CELF4: variants seen among roughly 807,000 people sequenced by gnomAD.
CELF4 encodes the protein CUG-BP- and ETR-3-like factor 4.
In CELF4, 18 loss-of-function variants were observed where a neutral mutation model predicts 59.9. That is an observed-to-expected ratio of 0.30 (90% CI 0.21 to 0.45). The LOEUF is 0.45. Among genes scored for constraint, CELF4 ranks in the 20% least tolerant of loss-of-function variants. The pLI is 1.00. For synonymous variants in CELF4, 261 were observed against 267.1 expected, an observed-to-expected ratio of 0.98 and a Z score of 0.22; for missense variants, 456 against 689.0, an observed-to-expected ratio of 0.66 and a Z score of 3.79.
At chr18:37,351,611 CTTTTTT>C (rs35650061) in intron 2 of CELF4, among the ~76,000 whole-genome samples, 3 of 121,932 alleles carry the variant, frequency 2.5e-5, no homozygotes, top group African/African-American at 6.3e-5. Context: ...TCTTCTTCTT[CTTTTTT>C]TTTTTTTTTT....
At chr18:37,485,054 G>T (rs1232224539) in intron 2 of CELF4, among the ~76,000 whole-genome samples, 1 of 152,124 alleles carries the variant, frequency 6.6e-6, no homozygotes, top group Admixed American at 6.5e-5. Flanking sequence ...CTTCTCCCCC[G>T]CACAGAAGCT....
chr18:37,339,708 C>T (rs1201504927), intron 2 of CELF4, among the ~76,000 whole-genome samples: 6 of 150,322 alleles, frequency 4.0e-5, no homozygotes, highest in African/African-American at 9.8e-5. Flanking sequence ...GAGCCGAGAT[C>T]GCACTACTGT....
At chr18:37,325,118 G>C (rs2097260081) in intron 2 of CELF4, among the ~76,000 whole-genome samples, 1 of 152,036 alleles carries the variant, frequency 6.6e-6, no homozygotes, top group Non-Finnish European at 1.5e-5. Context: ...GCAGGCACAG[G>C]GGTGTGAACC....
At chr18:37,484,172 T>C (rs2099876189) in intron 2 of CELF4, among the ~76,000 whole-genome samples, 1 of 152,228 alleles carries the variant, frequency 6.6e-6, no homozygotes, top group Non-Finnish European at 1.5e-5. Flanking sequence ...GGCTCTAAAA[T>C]ATCTGTCACA....
intron 2 of CELF4, among the ~76,000 whole-genome samples, chr18:37,375,898 C>T (rs1400430260): frequency 6.6e-6 from 1 of 152,208 alleles, no homozygotes; most frequent in African/African-American, 2.4e-5. Context: ...CCAGCCCCTC[C>T]CCATGGGCTG....
At chr18:37,537,055 G>T (rs914781179) in intron 1 of CELF4, among the ~76,000 whole-genome samples, 1 of 152,126 alleles carries the variant, frequency 6.6e-6, no homozygotes, top group Non-Finnish European at 1.5e-5. Context: ...TGGCTTTCCC[G>T]ACCCTTCTGG....
intron 1 of CELF4, among the ~76,000 whole-genome samples, chr18:37,557,949 G>A (rs1464677900): frequency 6.6e-6 from 1 of 150,446 alleles, no homozygotes; most frequent in Non-Finnish European, 1.5e-5. Flanking sequence ...GGAACAAGTA[G>A]AAGGGGAGAA....
At chr18:37,332,434 A>T (rs1420250901) in intron 2 of CELF4, among the ~76,000 whole-genome samples, 1 of 152,150 alleles carries the variant, frequency 6.6e-6, no homozygotes, top group East Asian at 1.9e-4. Context: ...AGAAGCAGTG[A>T]GCGGCCCTGA....
At chr18:37,499,203 G>C (rs2099928682) in intron 1 of CELF4, among the ~76,000 whole-genome samples, 1 of 152,194 alleles carries the variant, frequency 6.6e-6, no homozygotes, top group Non-Finnish European at 1.5e-5. Context: ...AGTCTAGGAT[G>C]CTGGTGTGTT....
In CELF4 at chr18:37,344,330, C is replaced by T. The variant is rs111773668; in HGVS notation, c.370-22449G>A. 8.5e-3 allele frequency among the ~76,000 whole-genome samples: 1,290 copies of T among 152,360 alleles called. 4 individuals are homozygous for T. Among genetic ancestry groups the T allele is most frequent in the Middle Eastern group, 0.02 (6 of 294 alleles). On this transcript the variant is annotated intron_variant, in intron 2 of 12. Coordinates refer to ENST00000420428, the MANE Select transcript of CELF4 (RefSeq NM_020180.4). ...GCAACCCGTGAAACACAGAACAACCCGTGAAACAGAGAACAAGTGACTCCC... is the reference window on the plus strand; with the variant it reads ...GCAACCCGTGAAACACAGAACAACCTGTGAAACAGAGAACAAGTGACTCCC...
intron 1 of CELF4, among the ~76,000 whole-genome samples, chr18:37,552,137 C>T (rs2099983405): frequency 6.6e-6 from 1 of 152,216 alleles, no homozygotes; most frequent in Non-Finnish European, 1.5e-5. Context: ...TTCCCACATC[C>T]CCCCTCAACA....
chr18:37,408,902 C>T (rs945014868), intron 2 of CELF4, among the ~76,000 whole-genome samples: 1 of 152,216 alleles, frequency 6.6e-6, no homozygotes, highest in African/African-American at 2.4e-5. Flanking sequence ...TTAGGAAGCA[C>T]AGATGCCATG....
chr18:37,284,375 G>C (rs565992460), intron 3 of CELF4, among the ~76,000 whole-genome samples: 2 of 149,810 alleles, frequency 1.3e-5, no homozygotes, highest in African/African-American at 4.9e-5. Flanking sequence ...CAAGGCAAAA[G>C]GCCTGGCCCC....
At chr18:37,367,167 G>C (rs1407967600) in intron 2 of CELF4, among the ~76,000 whole-genome samples, 1 of 152,108 alleles carries the variant, frequency 6.6e-6, no homozygotes, top group African/African-American at 2.4e-5. Flanking sequence ...GGAAGAGGAG[G>C]AGCTAGGGCT....
chr18:37,275,264 G>C (rs1601872938), intron 3 of CELF4, 21 bp from the exon 4 acceptor site: 3 of 1,612,642 alleles, frequency 1.9e-6, no homozygotes, highest in East Asian at 4.5e-5. Flanking sequence ...ATTAGGAGAT[G>C]CTTACCCGGG....
chr18:37,406,431 C>T (rs1436273705), intron 2 of CELF4, among the ~76,000 whole-genome samples: 1 of 152,168 alleles, frequency 6.6e-6, no homozygotes, highest in African/African-American at 2.4e-5. Context: ...CCCTATCCAT[C>T]TGGTTTAGGC....
chr18:37,485,495 GC>G, intron 2 of CELF4, 29 bp downstream of exon 2: 1 of 1,311,484 alleles, frequency 7.6e-7, no homozygotes, highest in East Asian at 3.1e-5. Flanking sequence ...CGGCGCGTCG[GC>G]CGCTTGCGCC....
Position 37,430,755 on chromosome 18 carries a change from C to A in CELF4, c.369+54770G>T, listed in dbSNP as rs146255351. ...GGCCCCCTGGTAGCTAAGGAAGTGG[C>A]CTGTCAGGCCCCCTCTAGTTGTGTC... On this transcript the variant is annotated intron_variant, in intron 2 of 12. Coordinates refer to ENST00000420428, the MANE Select transcript of CELF4 (RefSeq NM_020180.4). Among the ~76,000 whole-genome samples the A allele has an allele frequency of 1.4e-4, 21 of 152,318 alleles. No individual in the cohort carries two copies. In the East Asian group the frequency reaches 4.1e-3, roughly 29 times the overall value.
At chr18:37,445,488 T>C (rs898620796) in intron 2 of CELF4, among the ~76,000 whole-genome samples, 1 of 151,908 alleles carries the variant, frequency 6.6e-6, no homozygotes, top group African/African-American at 2.4e-5. Context: ...TGTGTGTGAC[T>C]CAGAGTTGTC....
Sources: gnomAD v4.1 joint callset for allele counts (sites outside exome capture counted in the v4.1 genomes callset) on GRCh38, gnomAD v4.1.1 for gene constraint, MANE v1.5 for transcripts, NCBI Gene and HGNC (gene_info 2026-07-23, HGNC 2026-07-21) for gene names.